Variants in KALRN observed in about 807,000 individuals in gnomAD.
KALRN encodes the protein kalirin RhoGEF kinase, also known as kalirin.
In KALRN, 70 loss-of-function variants were observed where a neutral mutation model predicts 353.7. The ratio of observed to expected loss-of-function variants is 0.20; its 90% CI spans 0.16 to 0.24. The LOEUF is 0.24. Among genes scored for constraint, KALRN ranks in the 10% least tolerant of loss-of-function variants. The pLI, the probability that KALRN is intolerant of heterozygous loss-of-function variation, is 1.00. For synonymous variants in KALRN, 1,391 were observed against 1,434.8 expected (o/e 0.97, Z 0.69); for missense variants, 2,791 against 3,756.7 (o/e 0.74, Z 6.72).
intron 25 of KALRN, among the ~76,000 whole-genome samples, chr3:124,467,390 A>C (rs1191260961): frequency 6.6e-6 from 1 of 152,182 alleles, no homozygotes; most frequent in Non-Finnish European, 1.5e-5. Context: ...CTGGGTTCTG[A>C]GAATGACATA....
chr3:124,276,096 T>G (rs899454516), intron 5 of KALRN, among the ~76,000 whole-genome samples: 7 of 152,244 alleles, frequency 4.6e-5, no homozygotes, highest in Non-Finnish European at 1.0e-4. Flanking sequence ...ATATTTGTCT[T>G]ATTCCCTTGC....
intron 14 of KALRN, among the ~76,000 whole-genome samples, chr3:124,413,882 G>A (rs2150272760): frequency 6.6e-6 from 1 of 152,278 alleles, no homozygotes; most frequent in Non-Finnish European, 1.5e-5. Context: ...GAGGTGAGTG[G>A]ATCATTTGAG....
At position 124,325,992 on chromosome 3, in the gene KALRN, A is replaced by T. The variant is rs200722793; in HGVS notation, c.1105A>T (p.Asn369Tyr). The change falls in exon 7 of 60, where the codon AAC becomes TAC. Residue 369 changes from asparagine (N) to tyrosine (Y), a missense_variant. By Grantham distance (143) the Asn-to-Tyr change is moderately radical. Transcript: ENST00000682506. The stretch of plus-strand genomic sequence containing the variant: ...CTTTTCTTTCCAGAATGCCTATGTC[A>T]ACATCAACCGCATCATGTCCGTGGC... The part of the protein sequence containing the change: ...FAMNSMNAYV[N>Y]INRIMSVASR... The T allele has an allele frequency of 6.2e-7, 1 of 1,613,082 alleles. No individual in the cohort carries two copies. Among genetic ancestry groups the T allele is most frequent in the Admixed American group, 1.7e-5 (1 of 59,920 alleles).
chr3:124,376,784 T>C (rs12486372), intron 10 of KALRN, among the ~76,000 whole-genome samples: 17,733 of 152,142 alleles, frequency 0.12, 1,279 homozygotes, highest in Non-Finnish European at 0.16. Flanking sequence ...TGAGTGACTA[T>C]TGAAAGGAGA....
chr3:124,456,518 C>CT lies in KALRN; in HGVS notation c.3736-85dup. 19 of 788,268 alleles carry CT rather than the reference C, an allele frequency of 2.4e-5. No homozygotes were observed. In the South Asian group the frequency reaches 2.4e-4, roughly 10 times the overall value. The allele number at this position is 788,268 out of a possible 1,614,324, so 48.8% of individuals were successfully genotyped here. On this transcript the variant is annotated intron_variant, in intron 22 of 59. Coordinates refer to ENST00000682506, the MANE Select transcript of KALRN (RefSeq NM_001388419.1). ...ATGTTTTTATCCTTCTCCATTATATCTTTTTTTCCCCCTTTTACCACCTCC... is the reference window on the plus strand; with the variant it reads ...ATGTTTTTATCCTTCTCCATTATATCTTTTTTTTCCCCCTTTTACCACCTCC...
chr3:124,435,253 A>C (rs145153521), intron 17 of KALRN, among the ~76,000 whole-genome samples: 1 of 152,342 alleles, frequency 6.6e-6, no homozygotes, highest in African/African-American at 2.4e-5. Flanking sequence ...TGAAAAACAC[A>C]TGGTTCTTTC....
chr3:124,504,965 A>T (rs901816512), intron 33 of KALRN: 2 of 497,884 alleles, frequency 4.0e-6, no homozygotes, highest in Non-Finnish European at 8.3e-6. Context: ...GTACACTTGC[A>T]GTTCTGCCAG....
At chr3:124,300,625 C>G (rs1167438684) in intron 6 of KALRN, among the ~76,000 whole-genome samples, 2 of 152,198 alleles carry the variant, frequency 1.3e-5, no homozygotes, top group African/African-American at 4.8e-5. Context: ...TGGCTGGGGA[C>G]ATTGTGCAGT....
rs151332036 is a variant in KALRN, at chr3:124,041,535, C to G, written c.73+7722C>G. ...TTTCCCAAGGGGACTGGATGGGGCA[C>G]CCTTTTACAGCAGGTCAGGGGACCC... On this transcript the variant is annotated intron_variant, in intron 1 of 59. Coordinates refer to ENST00000682506, the MANE Select transcript of KALRN (RefSeq NM_001388419.1). 3.0e-4 allele frequency among the ~76,000 whole-genome samples: 45 copies of G among 152,242 alleles called. No individual in the cohort carries two copies. The East Asian group carries it at 7.5e-3, about 25-fold the overall frequency.
intron 1 of KALRN, among the ~76,000 whole-genome samples, chr3:124,104,200 G>A (rs187715529): frequency 3.9e-5 from 6 of 152,296 alleles, no homozygotes; most frequent in African/African-American, 1.4e-4. Flanking sequence ...AAATAATTGG[G>A]TCTGAATGAA....
rs529810541 is a variant in KALRN at position 124,587,698 on chromosome 3, C to CTTTTTT, written c.5182+24629_5182+24634dup. On this transcript the variant is annotated intron_variant, in intron 34 of 59. Coordinates refer to ENST00000682506, the MANE Select transcript of KALRN (RefSeq NM_001388419.1). Reference sequence around the variant, plus strand: ...TTTTTCCCTCCACCCCCACCCTCCACTTTTTTTTTTTTTTTTTTTTTTTTT... The same window carrying CTTTTTT: ...TTTTTCCCTCCACCCCCACCCTCCACTTTTTTTTTTTTTTTTTTTTTTTTTTTTTTT... Among the ~76,000 whole-genome samples the CTTTTTT allele has an allele frequency of 1.0e-3, 77 of 75,856 alleles. 1 individual carries two copies. The highest frequency in any genetic ancestry group is 6.5e-3 in the East Asian group (14 of 2,166). The allele number at this position is 75,856 out of a possible 152,430, so 49.8% of individuals were successfully genotyped here.
chr3:124,139,693 G>A (rs2066387759), intron 1 of KALRN, among the ~76,000 whole-genome samples: 1 of 152,130 alleles, frequency 6.6e-6, no homozygotes, highest in African/African-American at 2.4e-5. Flanking sequence ...AGGAAGGAGA[G>A]GGCACTACAC....
At chr3:124,086,618 C>T (rs2060839330) in intron 1 of KALRN, among the ~76,000 whole-genome samples, 2 of 152,074 alleles carry the variant, frequency 1.3e-5, no homozygotes, top group South Asian at 4.1e-4. Flanking sequence ...CAAATATTTA[C>T]TTCCTGCATT....
intron 37 of KALRN, among the ~76,000 whole-genome samples, chr3:124,639,720 T>C (rs933953159): frequency 2.0e-5 from 3 of 152,228 alleles, no homozygotes; most frequent in African/African-American, 7.2e-5. Flanking sequence ...TAAATGTCTG[T>C]TGAATGAATG....
chr3:124,658,788 T>G (rs956894003), intron 42 of KALRN, among the ~76,000 whole-genome samples: 4 of 152,106 alleles, frequency 2.6e-5, no homozygotes, highest in African/African-American at 9.7e-5. Context: ...ACAGAGATGG[T>G]TTGAGAAGCT....
chr3:124,473,005 A>G (rs1464329136), intron 25 of KALRN, among the ~76,000 whole-genome samples: 1 of 152,232 alleles, frequency 6.6e-6, no homozygotes, highest in Admixed American at 6.5e-5. Flanking sequence ...CATTTGTCGT[A>G]GAAAAAATTA....
chr3:124,513,162 G>C (rs542507725), intron 33 of KALRN, among the ~76,000 whole-genome samples: 6 of 152,294 alleles, frequency 3.9e-5, no homozygotes, highest in African/African-American at 1.2e-4. Flanking sequence ...TGAAAAGAAA[G>C]AGAAAGAAAA....
At chr3:124,121,362 C>G (rs529080421) in intron 1 of KALRN, among the ~76,000 whole-genome samples, 1 of 152,158 alleles carries the variant, frequency 6.6e-6, no homozygotes, top group African/African-American at 2.4e-5. Context: ...ATAAATTTTT[C>G]TAGGCTGGAG....
intron 48 of KALRN, among the ~76,000 whole-genome samples, chr3:124,673,159 G>A (rs1057204182): frequency 2.0e-5 from 3 of 152,064 alleles, no homozygotes; most frequent in East Asian, 1.9e-4. Flanking sequence ...CCAAGGCAGG[G>A]TGATGGCTTG....
Sources: gnomAD v4.1 joint callset for allele counts (sites outside exome capture counted in the v4.1 genomes callset) on GRCh38, gnomAD v4.1.1 for gene constraint, MANE v1.5 for transcripts, NCBI Gene and HGNC (gene_info 2026-07-23, HGNC 2026-07-21) for gene names.